EYS: variants seen among roughly 807,000 people sequenced by gnomAD.
The protein encoded by EYS is protein eyes shut homolog.
EYS carries 250 observed loss-of-function variants against 282.1 expected under a neutral mutation model. The observed-to-expected ratio is 0.89, with a 90% CI of 0.80 to 0.98. The LOEUF is 0.98. Among genes scored for constraint, EYS ranks in the 50% least tolerant of loss-of-function variants. The probability of loss-of-function intolerance (pLI) is 0.00; values close to 1 mark genes in which losing one functional copy is unlikely to be tolerated. For synonymous variants in EYS, 1,355 were observed against 1,282.9 expected, an observed-to-expected ratio of 1.06 and a Z score of -1.20; for missense variants, 4,016 against 3,709.0, an observed-to-expected ratio of 1.08 and a Z score of -2.15.
chr6:64,791,222 T>G (rs926805469), intron 22 of EYS, among the ~76,000 whole-genome samples: 1 of 151,852 alleles, frequency 6.6e-6, no homozygotes, highest in Non-Finnish European at 1.5e-5. Context: ...TTTATAAAAT[T>G]TGCAAATTTC....
intron 35 of EYS, among the ~76,000 whole-genome samples, chr6:63,901,844 A>G (rs1045535552): frequency 1.3e-5 from 2 of 152,138 alleles, no homozygotes; most frequent in Non-Finnish European, 2.9e-5. Context: ...ACCAGAATCC[A>G]AAATAAGTTT....
intron 24 of EYS, among the ~76,000 whole-genome samples, chr6:64,593,689 A>G (rs992822505): frequency 1.3e-5 from 2 of 152,222 alleles, no homozygotes; most frequent in Non-Finnish European, 2.9e-5. Context: ...AGTCAAATTT[A>G]GTTGGAAGCT....
chr6:64,125,442 CA>C, intron 31 of EYS, among the ~76,000 whole-genome samples: 1 of 151,548 alleles, frequency 6.6e-6, no homozygotes, highest in East Asian at 1.9e-4. Flanking sequence ...CCAGCTTGCC[CA>C]ATTGTAAGGC....
chr6:64,671,501 A>G (rs1363911674), intron 22 of EYS, among the ~76,000 whole-genome samples: 1 of 152,134 alleles, frequency 6.6e-6, no homozygotes, highest in Non-Finnish European at 1.5e-5. Context: ...CCCATGTATT[A>G]TATTTTTGTT....
At chr6:64,650,181 G>A (rs1022904022) in intron 22 of EYS, among the ~76,000 whole-genome samples, 1 of 151,780 alleles carries the variant, frequency 6.6e-6, no homozygotes, top group Admixed American at 6.6e-5. Flanking sequence ...AAAAACTCTG[G>A]TTTAATCAAA....
At chr6:65,484,647 A>C (rs1161595105) in intron 5 of EYS, among the ~76,000 whole-genome samples, 1 of 152,174 alleles carries the variant, frequency 6.6e-6, no homozygotes, top group African/African-American at 2.4e-5. Flanking sequence ...CAATGTTTCC[A>C]GGCTGCCAGT....
intron 30 of EYS, among the ~76,000 whole-genome samples, chr6:64,252,542 A>G (rs918889860): frequency 4.0e-5 from 6 of 151,742 alleles, no homozygotes; most frequent in African/African-American, 1.5e-4. Context: ...ACATTCAGAG[A>G]CTCCCTATCA....
intron 12 of EYS, among the ~76,000 whole-genome samples, chr6:65,258,271 T>C (rs566763405): frequency 6.6e-6 from 1 of 151,810 alleles, no homozygotes; most frequent in Admixed American, 6.6e-5. Context: ...CCACTGACAA[T>C]AGACAAAGCA....
intron 12 of EYS, among the ~76,000 whole-genome samples, chr6:65,210,894 C>A (rs1397219534): frequency 6.6e-6 from 1 of 151,324 alleles, no homozygotes; most frequent in Non-Finnish European, 1.5e-5. Context: ...TGCATGCAGC[C>A]TTTCCTGATG....
At chr6:65,182,830 C>G (rs192620057) in intron 12 of EYS, among the ~76,000 whole-genome samples, 1 of 151,840 alleles carries the variant, frequency 6.6e-6, no homozygotes, top group Non-Finnish European at 1.5e-5. Flanking sequence ...ACTCTATCAC[C>G]CAGGCTGGAG....
At chr6:64,772,096 C>T (rs1200743422) in intron 22 of EYS, among the ~76,000 whole-genome samples, 1 of 151,572 alleles carries the variant, frequency 6.6e-6, no homozygotes, top group Admixed American at 6.6e-5. Flanking sequence ...TTATTTTTGA[C>T]CAACAATTAA....
intron 22 of EYS, among the ~76,000 whole-genome samples, chr6:64,654,220 C>T (rs1323176471): frequency 2.6e-5 from 4 of 152,160 alleles, no homozygotes; most frequent in Admixed American, 6.5e-5. Flanking sequence ...AGACTATGCA[C>T]TGAATTTTTC....
intron 28 of EYS, among the ~76,000 whole-genome samples, chr6:64,417,756 G>A (rs1457985780): frequency 7.0e-6 from 1 of 141,936 alleles, no homozygotes; most frequent in Non-Finnish European, 1.5e-5. Flanking sequence ...CTGCAACCTC[G>A]GCCTCCTGGG....
At chr6:63,996,664 C>A (rs767680055) in intron 34 of EYS, among the ~76,000 whole-genome samples, 4 of 151,952 alleles carry the variant, frequency 2.6e-5, no homozygotes, top group Non-Finnish European at 2.9e-5. Context: ...GGTTTGAATC[C>A]CCAAATAGCT....
At chr6:65,133,184 T>G (rs1775928890) in intron 12 of EYS, among the ~76,000 whole-genome samples, 1 of 152,024 alleles carries the variant, frequency 6.6e-6, no homozygotes, top group Non-Finnish European at 1.5e-5. Flanking sequence ...ACCAATGACA[T>G]TCTTCACAGA....
At chr6:65,241,339 G>T (rs867994875) in intron 12 of EYS, among the ~76,000 whole-genome samples, 1 of 151,808 alleles carries the variant, frequency 6.6e-6, no homozygotes, top group African/African-American at 2.4e-5. Context: ...ACAGTTACAC[G>T]CATAGCAACA....
chr6:65,433,383 T>G (rs555542212), intron 5 of EYS, among the ~76,000 whole-genome samples: 6 of 152,134 alleles, frequency 3.9e-5, no homozygotes, highest in Admixed American at 3.9e-4. Context: ...ATTCCGGGTC[T>G]TAACATTTTG....
intron 32 of EYS, among the ~76,000 whole-genome samples, chr6:64,080,446 C>G (rs1196927027): frequency 8.2e-4 from 120 of 145,574 alleles, no homozygotes; most frequent in Admixed American, 8.9e-4. Flanking sequence ...TTTGTAGATT[C>G]TGGATATTAG....
At chr6:64,047,817 T>C (rs1224169882) in intron 33 of EYS, among the ~76,000 whole-genome samples, 1 of 152,318 alleles carries the variant, frequency 6.6e-6, no homozygotes. Flanking sequence ...GGAACTATCA[T>C]TAAGGTGACC....
Sources: allele counts gnomAD v4.1 joint callset (sites outside exome capture counted in the v4.1 genomes callset), GRCh38; gene constraint gnomAD v4.1.1; transcripts MANE v1.5; gene names NCBI Gene and HGNC (gene_info 2026-07-23, HGNC 2026-07-21).